Variants in NUP210 observed in about 807,000 individuals in gnomAD.
NUP210 encodes nucleoporin 210, also known as nuclear pore membrane glycoprotein 210.
NUP210 carries 151 observed loss-of-function variants against 196.0 expected under a neutral mutation model. That is an observed-to-expected ratio of 0.77 (90% confidence interval 0.67 to 0.88). NUP210 has a LOEUF of 0.88. Among genes scored for constraint, NUP210 ranks in the 40% least tolerant of loss-of-function variants. The pLI is 0.00. For missense variants in NUP210, 2,314 were observed against 2,493.7 expected, an observed-to-expected ratio of 0.93 and a Z score of 1.53; for synonymous variants, 1,070 against 1,052.7, an observed-to-expected ratio of 1.02 and a Z score of -0.32.
intron 1 of NUP210, among the ~76,000 whole-genome samples, chr3:13,415,217 A>C (rs1320460668): frequency 6.6e-6 from 1 of 151,998 alleles, no homozygotes; most frequent in East Asian, 1.9e-4. Context: ...ACACAGCGAG[A>C]CTCCATCTCA....
At chr3:13,398,216 G>A (rs1040624730) in intron 2 of NUP210, among the ~76,000 whole-genome samples, 13 of 152,200 alleles carry the variant, frequency 8.5e-5, no homozygotes, top group Non-Finnish European at 1.6e-4. Context: ...AAGGCAGGTG[G>A]ATCACTTGAG....
intron 1 of NUP210, among the ~76,000 whole-genome samples, chr3:13,401,863 T>A (rs1699850086): frequency 2.6e-5 from 4 of 151,856 alleles, no homozygotes. Context: ...TACTTACTAC[T>A]GAATTTTGCC....
At position 13,350,849 on chromosome 3, in the gene NUP210, C is replaced by A. The variant is rs958142852; in HGVS notation, c.2835+1030G>T. Among the ~76,000 whole-genome samples the A allele has an allele frequency of 2.0e-5, 3 of 151,858 alleles. No individual in the cohort carries two copies. Among genetic ancestry groups the A allele is most frequent in the Admixed American group, 2.0e-4 (3 of 15,252 alleles). Reference sequence around the variant, plus strand: ...CTGGGAATACAGGCGCCCGCCACTACGCCTGGCTAATTTTTTTTTTTTGTA... The same window carrying A: ...CTGGGAATACAGGCGCCCGCCACTAAGCCTGGCTAATTTTTTTTTTTTGTA... On this transcript the variant is annotated intron_variant, in intron 20 of 39. Coordinates refer to ENST00000254508, the MANE Select transcript of NUP210 (RefSeq NM_024923.4). This position sits in a 1 kb window ranked among gnomAD's most constrained non-coding sequence, Gnocchi z 4.1.
intron 13 of NUP210, among the ~76,000 whole-genome samples, chr3:13,369,729 A>T (rs1440147330): frequency 4.6e-5 from 7 of 152,314 alleles, no homozygotes; most frequent in Non-Finnish European, 7.4e-5. Context: ...ACCATGTACG[A>T]GCAGGTTTTT....
chr3:13,412,501 G>A (rs1217463633), intron 1 of NUP210, among the ~76,000 whole-genome samples: 1 of 151,978 alleles, frequency 6.6e-6, no homozygotes, highest in Non-Finnish European at 1.5e-5. Context: ...ATCACCTGAG[G>A]TCGGGAGTTC....
At chr3:13,392,190 T>C (rs998094858) in intron 3 of NUP210, among the ~76,000 whole-genome samples, 4 of 152,224 alleles carry the variant, frequency 2.6e-5, no homozygotes, top group Admixed American at 6.5e-5. Context: ...ATTTAGAGTC[T>C]GACGGGCCTG....
At chr3:13,343,455 G>T in intron 20 of NUP210, 152 bp from the exon 21 acceptor site, 1 of 982,530 alleles carries the variant, frequency 1.0e-6, no homozygotes, top group Non-Finnish European at 1.5e-6. Flanking sequence ...GCCAGCACTG[G>T]GAAGCAGTGG....
intron 1 of NUP210, among the ~76,000 whole-genome samples, chr3:13,411,485 G>C (rs1162383611): frequency 1.3e-5 from 2 of 152,136 alleles, no homozygotes; most frequent in Non-Finnish European, 2.9e-5. Flanking sequence ...GATTAAGTGG[G>C]GGCATAGTAT....
Position 13,342,000 on chromosome 3 carries a change from A to G in NUP210, c.3088T>C (p.Leu1030=), listed in dbSNP as rs1247450602. The change falls in exon 22 of 40, where the codon TTG becomes CTG. Residue 1030 remains leucine, a synonymous_variant. Transcript: ENST00000254508. ...CTGACCCCTAGGAGAACTCACACCA[A>G]TGTAATGATCGGGGAGGCTGCTCGG... ...KLRAASPIIT[L]VALDEALDNY... The G allele has an allele frequency of 1.2e-6, 2 of 1,614,168 alleles. No homozygotes were observed. The highest frequency in any genetic ancestry group is 2.2e-5 in the East Asian group (1 of 44,880).
At position 13,317,376 on chromosome 3, in the gene NUP210, A is replaced by C; in HGVS notation, c.*305T>G. On this transcript the variant is annotated 3_prime_UTR_variant, in exon 40 of 40. Transcript: ENST00000254508. ...GGGAAAGATTTTAGCAAGGCTAGGA[A>C]AATAAAAATGCAACAGCACATTGTC... The C allele has an allele frequency of 2.5e-6, 1 of 395,046 alleles. No homozygotes were observed. The highest frequency in any genetic ancestry group is 2.1e-5 in the African/African-American group (1 of 48,106). 24.5% of individuals were successfully genotyped at this position (395,046 alleles called of 1,614,324 possible).
At chr3:13,382,864 G>A (rs571972755) in intron 6 of NUP210, among the ~76,000 whole-genome samples, 84 of 152,254 alleles carry the variant, frequency 5.5e-4, no homozygotes, top group Non-Finnish European at 1.0e-3. Context: ...ATCCAGCTAG[G>A]CTGAGCATGG....
At chr3:13,412,232 T>TTTTTTC (rs957569033) in intron 1 of NUP210, among the ~76,000 whole-genome samples, 6 of 38,200 alleles carry the variant, frequency 1.6e-4, no homozygotes, top group African/African-American at 5.9e-4. Flanking sequence ...TTTCCTTTTC[T>TTTTTTC]TTTTTTTTTT....
At chr3:13,394,312 C>A (rs969731349) in intron 3 of NUP210, among the ~76,000 whole-genome samples, 2 of 152,166 alleles carry the variant, frequency 1.3e-5, no homozygotes, top group African/African-American at 4.8e-5. Flanking sequence ...CACGGGTGGG[C>A]CAGGAAATAG....
At chr3:13,324,223 GC>G (rs1018488082) in intron 33 of NUP210, among the ~76,000 whole-genome samples, 7 of 152,122 alleles carry the variant, frequency 4.6e-5, no homozygotes, top group Middle Eastern at 3.4e-3. Context: ...CCCAACGCTG[GC>G]CCTCCTCTCC....
At position 13,319,159 on chromosome 3, in the gene NUP210, C is replaced by T; in HGVS notation, c.5480-4G>A. The T allele has an allele frequency of 1.2e-6, 2 of 1,611,184 alleles. No individual in the cohort carries two copies. Among genetic ancestry groups the T allele is most frequent in the Admixed American group, 1.7e-5 (1 of 59,696 alleles). On this transcript the variant is annotated splice_region_variant and splice_polypyrimidine_tract_variant and intron_variant, in intron 38 of 39. Coordinates refer to ENST00000254508, the MANE Select transcript of NUP210 (RefSeq NM_024923.4). ...GGCGTGCAGACAGTGTGGTAGGCTG[C>T]AAGAGCACAGGGTTGGTTAGAGCAG...
chr3:13,390,898 G>A (rs1255786625), intron 4 of NUP210, among the ~76,000 whole-genome samples: 2 of 152,226 alleles, frequency 1.3e-5, no homozygotes, highest in Non-Finnish European at 2.9e-5. Flanking sequence ...CAGAAGTGCA[G>A]CCTGGGGCCA....
At chr3:13,407,085 T>C (rs1700028769) in intron 1 of NUP210, among the ~76,000 whole-genome samples, 1 of 152,224 alleles carries the variant, frequency 6.6e-6, no homozygotes, top group Non-Finnish European at 1.5e-5. Context: ...CATCCTCATC[T>C]GCACAATAGG....
chr3:13,358,166 C>A, intron 16 of NUP210, 56 bp downstream of exon 16: 1 of 1,515,060 alleles, frequency 6.6e-7, no homozygotes, highest in Non-Finnish European at 9.0e-7. Flanking sequence ...CCACCAATGT[C>A]CTCCTGCCCA....
intron 18 of NUP210, among the ~76,000 whole-genome samples, chr3:13,353,137 C>T (rs754367709): frequency 1.3e-5 from 2 of 152,042 alleles, no homozygotes; most frequent in African/African-American, 2.4e-5. Context: ...GCTGCCCCCA[C>T]GGGACCCCAG....
Sources: allele counts gnomAD v4.1 joint callset (sites outside exome capture counted in the v4.1 genomes callset), GRCh38; gene constraint gnomAD v4.1.1; non-coding constraint Gnocchi (gnomAD v3.1); transcripts MANE v1.5; gene names NCBI Gene and HGNC (gene_info 2026-07-23, HGNC 2026-07-21).